The following CFAP299 variants were observed in gnomAD, a reference collection of about 807,000 sequenced individuals.
CFAP299 encodes the protein cilia- and flagella-associated protein 299.
A neutral mutation model predicts 27.0 loss-of-function variants in CFAP299; 21 were observed. The ratio of observed to expected loss-of-function variants is 0.78; its 90% CI spans 0.55 to 1.12. The LOEUF (loss-of-function observed/expected upper bound fraction) is 1.12. Ranked by LOEUF, CFAP299 falls within the 50% of genes most tolerant of loss-of-function variation. CFAP299 has a pLI of 0.00. For missense variants in CFAP299, 310 were observed against 276.6 expected, an observed-to-expected ratio of 1.12 and a Z score of -0.86; for synonymous variants, 104 against 98.1, an observed-to-expected ratio of 1.06 and a Z score of -0.36.
At chr4:80,541,137 C>CATA (rs70944788) in intron 2 of CFAP299, among the ~76,000 whole-genome samples, 55,383 of 151,806 alleles carry the variant, frequency 0.36, 12,907 homozygotes, top group African/African-American at 0.67. Flanking sequence ...GTGATTTAGA[C>CATA]ATATGAACAG....
chr4:80,794,947 A>C (rs749365500), intron 3 of CFAP299, among the ~76,000 whole-genome samples: 1 of 152,148 alleles, frequency 6.6e-6, no homozygotes, highest in African/African-American at 2.4e-5. Context: ...AGCCAGGTCA[A>C]CCTTGGTGAG....
chr4:80,542,931 A>G (rs1170772694), intron 2 of CFAP299, among the ~76,000 whole-genome samples: 3 of 151,996 alleles, frequency 2.0e-5, no homozygotes, highest in African/African-American at 2.4e-5. Flanking sequence ...ACTTACGCCC[A>G]CAACCAAGCA....
chr4:80,946,403 G>A (rs1439148880), intron 5 of CFAP299, among the ~76,000 whole-genome samples: 1 of 152,002 alleles, frequency 6.6e-6, no homozygotes, highest in East Asian at 1.9e-4. Context: ...GGGTTGAGAG[G>A]GTACAAAGAA....
chr4:80,384,505 C>T (rs564465191), intron 2 of CFAP299, among the ~76,000 whole-genome samples: 2 of 152,232 alleles, frequency 1.3e-5, no homozygotes, highest in African/African-American at 4.8e-5. Flanking sequence ...CTTATTTTGT[C>T]TACATTGTTA....
intron 2 of CFAP299, among the ~76,000 whole-genome samples, chr4:80,526,973 C>G (rs17004926): frequency 0.041 from 6,257 of 152,150 alleles, 363 homozygotes; most frequent in African/African-American, 0.12. Flanking sequence ...GAGAGCAAGA[C>G]ACCAACTGTG....
chr4:80,604,436 T>C (rs1055716401), intron 3 of CFAP299, among the ~76,000 whole-genome samples: 1 of 152,190 alleles, frequency 6.6e-6, no homozygotes, highest in African/African-American at 2.4e-5. Flanking sequence ...TGCTCCGCTC[T>C]CTAGGTACAT....
chr4:80,639,469 A>C (rs1489858121), intron 3 of CFAP299, among the ~76,000 whole-genome samples: 3 of 152,192 alleles, frequency 2.0e-5, no homozygotes, highest in Non-Finnish European at 4.4e-5. Context: ...ATGCAAAATG[A>C]AAATGGAAAG....
intron 5 of CFAP299, among the ~76,000 whole-genome samples, chr4:80,948,942 T>A (rs1261232707): frequency 6.6e-6 from 1 of 152,182 alleles, no homozygotes; most frequent in East Asian, 1.9e-4. Flanking sequence ...ATTTTCCCTA[T>A]ATTAACCCAA....
chr4:80,344,770 G>A (rs1722640577), intron 1 of CFAP299, among the ~76,000 whole-genome samples: 1 of 152,126 alleles, frequency 6.6e-6, no homozygotes, highest in African/African-American at 2.4e-5. Context: ...GAATCCAGCA[G>A]TACATAAGAA....
At chr4:80,875,095 G>A (rs1031919536) in intron 4 of CFAP299, among the ~76,000 whole-genome samples, 4 of 151,854 alleles carry the variant, frequency 2.6e-5, no homozygotes, top group East Asian at 1.9e-4. Flanking sequence ...GGCTCATATC[G>A]TATTATATCT....
intron 2 of CFAP299, among the ~76,000 whole-genome samples, chr4:80,564,357 A>G (rs932041754): frequency 1.3e-5 from 2 of 152,072 alleles, no homozygotes; most frequent in Non-Finnish European, 2.9e-5. Context: ...TATCCCTAGG[A>G]TGCAAAGATG....
At chr4:80,321,682 G>A in the CFAP299 span, among the ~76,000 whole-genome samples, 1,035 of 152,246 alleles carry the variant, frequency 6.8e-3, 11 homozygotes, top group African/African-American at 0.023. Context: ...GGAAATTTGC[G>A]TTTTCAACAT....
At chr4:80,780,051 C>T (rs1726782222) in intron 3 of CFAP299, among the ~76,000 whole-genome samples, 1 of 151,830 alleles carries the variant, frequency 6.6e-6, no homozygotes, top group Non-Finnish European at 1.5e-5. Context: ...TTTCATATTC[C>T]TACTCTTATT....
At chr4:80,740,327 T>C (rs1192253236) in intron 3 of CFAP299, among the ~76,000 whole-genome samples, 2 of 152,214 alleles carry the variant, frequency 1.3e-5, no homozygotes, top group Non-Finnish European at 2.9e-5. Flanking sequence ...TATTTGAAGC[T>C]ACTTGGGCTC....
At chr4:80,725,182 C>A (rs1723088838) in intron 3 of CFAP299, among the ~76,000 whole-genome samples, 1 of 141,474 alleles carries the variant, frequency 7.1e-6, no homozygotes, top group South Asian at 2.4e-4. Context: ...TCTCAAACTC[C>A]TGACCTCAGG....
chr4:80,471,256 A>G (rs1020692820), intron 2 of CFAP299, among the ~76,000 whole-genome samples: 2 of 152,062 alleles, frequency 1.3e-5, no homozygotes, highest in African/African-American at 4.8e-5. Context: ...CAACAGATGT[A>G]TCAGAAAATG....
Position 80,849,297 on chromosome 4 carries a change from A to G in CFAP299, c.334-20696A>G, listed in dbSNP as rs575348479. Among the ~76,000 whole-genome samples the G allele has an allele frequency of 1.2e-4, 19 of 152,312 alleles. No individual in the cohort carries two copies. The South Asian group carries it at 3.9e-3, about 32-fold the overall frequency. On this transcript the variant is annotated intron_variant, in intron 3 of 5. Coordinates refer to ENST00000358105, the MANE Select transcript of CFAP299 (RefSeq NM_152770.3). Reference sequence around the variant, plus strand: ...GATATGAAATTTTCAGCTCCATTATAGTAGTATGGGACCCCCATGGTGCAT... The same window carrying G: ...GATATGAAATTTTCAGCTCCATTATGGTAGTATGGGACCCCCATGGTGCAT...
intron 3 of CFAP299, among the ~76,000 whole-genome samples, chr4:80,848,221 G>T (rs943692264): frequency 6.6e-6 from 1 of 151,220 alleles, no homozygotes; most frequent in African/African-American, 2.4e-5. Context: ...AAAAAAAAAA[G>T]GGATACAAAG....
chr4:80,844,588 T>G (rs1731060865), intron 3 of CFAP299, among the ~76,000 whole-genome samples: 1 of 151,908 alleles, frequency 6.6e-6, no homozygotes, highest in Non-Finnish European at 1.5e-5. Flanking sequence ...TTCGCCCACT[T>G]TTTGATGGGG....
Sources: allele counts gnomAD v4.1 joint callset (sites outside exome capture counted in the v4.1 genomes callset), GRCh38; gene constraint gnomAD v4.1.1; transcripts MANE v1.5; gene names NCBI Gene and HGNC (gene_info 2026-07-23, HGNC 2026-07-21).